DOP1A: variants seen among roughly 807,000 people sequenced by gnomAD.
DOP1A encodes the protein DOP1 leucine zipper like protein A.
Under a neutral mutation model 267.6 loss-of-function variants are expected in DOP1A, and 90 were observed. The ratio of observed to expected loss-of-function variants is 0.34; its 90% confidence interval spans 0.28 to 0.40. The LOEUF is 0.40. Among genes scored for constraint, DOP1A ranks in the 10% least tolerant of loss-of-function variants. The probability of loss-of-function intolerance (pLI) is 1.00; values close to 1 mark genes in which losing one functional copy is unlikely to be tolerated. For missense variants in DOP1A, 2,437 were observed against 2,900.4 expected (o/e 0.84, Z 3.67); for synonymous variants, 932 against 999.1 (o/e 0.93, Z 1.27).
intron 33 of DOP1A, 55 bp downstream of exon 33, chr6:83,154,296 C>G: frequency 6.6e-7 from 1 of 1,503,896 alleles, no homozygotes; most frequent in East Asian, 2.3e-5. Flanking sequence ...TTCCTTCTTA[C>G]TATTTACTTG....
intron 4 of DOP1A, among the ~76,000 whole-genome samples, chr6:83,107,799 A>G (rs1256192177): frequency 2.6e-5 from 4 of 152,202 alleles, no homozygotes; most frequent in East Asian, 3.9e-4. Context: ...AGAGCAGCAT[A>G]TGGAAAGGTA....
chr6:83,109,233 G>T (rs1489011191), intron 5 of DOP1A, among the ~76,000 whole-genome samples, 153 bp downstream of exon 5: 1 of 152,138 alleles, frequency 6.6e-6, no homozygotes, highest in Non-Finnish European at 1.5e-5. Flanking sequence ...CATTATTATA[G>T]TTTATCTAGT....
intron 1 of DOP1A, among the ~76,000 whole-genome samples, chr6:83,095,287 C>T (rs900308238): frequency 2.0e-5 from 3 of 152,016 alleles, no homozygotes; most frequent in African/African-American, 7.3e-5. Context: ...AAGATTTAAT[C>T]CTATATTTTT....
Position 83,145,678 on chromosome 6 carries a change from CA to C in DOP1A, c.5676+21del, listed in dbSNP as rs1272856319. 1 of 1,606,080 alleles carries C rather than the reference CA, an allele frequency of 6.2e-7. No individual in the cohort carries two copies. Among genetic ancestry groups the C allele is most frequent in the East Asian group, 2.2e-5 (1 of 44,652 alleles). ...GACAAGGTAAGAAAAAACTCTTCTTCACATGTGTTTACAATTCTGTTTCAGA... is the reference window on the plus strand; with the variant it reads ...GACAAGGTAAGAAAAAACTCTTCTTCCATGTGTTTACAATTCTGTTTCAGA... On this transcript the variant is annotated intron_variant, in intron 25 of 38. Transcript: ENST00000349129.
intron 26 of DOP1A, among the ~76,000 whole-genome samples, chr6:83,147,950 G>A (rs1248440244): frequency 1.3e-5 from 2 of 152,138 alleles, no homozygotes; most frequent in African/African-American, 4.8e-5. Flanking sequence ...TCCATAATAT[G>A]AGGTAGAGAC....
rs1408932673 is a variant in DOP1A, at chr6:83,168,117, A to G, written c.7348A>G (p.Ile2450Val). 1 of 1,613,894 alleles carries G rather than the reference A, an allele frequency of 6.2e-7. No homozygotes were observed. Among genetic ancestry groups the G allele is most frequent in the Non-Finnish European group, 8.5e-7 (1 of 1,180,002 alleles). ...ATGTTCCAGCAAAGCCAGGCAAAAA[A>G]TAGAAGAGATGGTAGAAAAAGATTT... ...KPCSSKARQKIEEMVEKDFLE... is the reference protein window; with the variant it reads ...KPCSSKARQKVEEMVEKDFLE... The change falls in exon 39 of 39, where the codon ATA becomes GTA. Residue 2450 changes from isoleucine (I) to valine (V), a missense_variant. Coordinates refer to ENST00000349129, the MANE Select transcript of DOP1A (RefSeq NM_015018.4).
intron 15 of DOP1A, 40 bp downstream of exon 15, chr6:83,125,773 T>C (rs1218305202): frequency 6.6e-7 from 1 of 1,523,054 alleles, no homozygotes; most frequent in Admixed American, 1.8e-5. Context: ...ACTGTTCATA[T>C]TTCTTCAAAG....
chr6:83,105,897 T>C (rs905402461), intron 4 of DOP1A, among the ~76,000 whole-genome samples: 4 of 152,218 alleles, frequency 2.6e-5, no homozygotes, highest in African/African-American at 9.6e-5. Flanking sequence ...TCTTCAGTTG[T>C]AGTATACCTA....
At chr6:83,069,266 C>T (rs1166626313) in intron 1 of DOP1A, among the ~76,000 whole-genome samples, 1 of 152,174 alleles carries the variant, frequency 6.6e-6, no homozygotes. Context: ...AATAGGCTTA[C>T]TTTCCCCAAA....
chr6:83,137,390 C>T lies in DOP1A; in HGVS notation c.3348C>T (p.Ser1116=). 6.2e-7 allele frequency: 1 copy of T among 1,613,808 alleles called. No individual in the cohort carries two copies. Among genetic ancestry groups the T allele is most frequent in the South Asian group, 1.1e-5 (1 of 91,064 alleles). ...LQSSDSGCSQ[S]SAGDNLSYEV... is the part of the protein sequence containing the mutation. ...GTTCTGACTCGGGATGTTCACAGTCCTCTGCTGGGGACAACTTGAGTTACG... is the reference window on the plus strand; with the variant it reads ...GTTCTGACTCGGGATGTTCACAGTCTTCTGCTGGGGACAACTTGAGTTACG... The change falls in exon 21 of 39, where the codon TCC becomes TCT. Residue 1116 remains serine, a synonymous_variant. Transcript: ENST00000349129.
intron 1 of DOP1A, among the ~76,000 whole-genome samples, chr6:83,082,844 G>C (rs1768373994): frequency 2.1e-5 from 3 of 142,862 alleles, no homozygotes; most frequent in Non-Finnish European, 4.5e-5. Context: ...GTTTTGCTCT[G>C]TCACCCAGGC....
intron 27 of DOP1A, 31 bp from the exon 28 acceptor site, chr6:83,151,562 C>T (rs1781688407): frequency 6.4e-7 from 1 of 1,559,670 alleles, no homozygotes; most frequent in Non-Finnish European, 8.7e-7. Context: ...CCTGATATTT[C>T]CCGTTTCTGT....
chr6:83,116,800 G>C (rs1250759634), intron 7 of DOP1A, among the ~76,000 whole-genome samples: 1 of 152,094 alleles, frequency 6.6e-6, no homozygotes, highest in Non-Finnish European at 1.5e-5. Flanking sequence ...GACAGAGTGA[G>C]ACTCCAACTT....
chr6:83,157,057 A>G (rs1002872475), intron 34 of DOP1A, 125 bp from the exon 35 acceptor site: 2 of 832,906 alleles, frequency 2.4e-6, no homozygotes, highest in Non-Finnish European at 3.6e-6. Flanking sequence ...TATCTACAAC[A>G]GTTTTGAATT....
chr6:83,090,854 C>T (rs976638309), intron 1 of DOP1A, among the ~76,000 whole-genome samples: 1 of 152,048 alleles, frequency 6.6e-6, no homozygotes, highest in Non-Finnish European at 1.5e-5. Context: ...CACTTCTTTT[C>T]TGATATATAA....
In DOP1A at chr6:83,114,140, C is replaced by T. The variant is rs142699678; in HGVS notation, c.780+719C>T. 6.2e-4 allele frequency among the ~76,000 whole-genome samples: 94 copies of T among 151,888 alleles called. No individual in the cohort carries two copies. The East Asian group carries it at 9.3e-3, about 15-fold the overall frequency. ...CATAAGAACTGTGATTAATAGATAACTGTAGTGAATTTGCATTATGACTGG... is the reference window on the plus strand; with the variant it reads ...CATAAGAACTGTGATTAATAGATAATTGTAGTGAATTTGCATTATGACTGG... On this transcript the variant is annotated intron_variant, in intron 7 of 38. Coordinates refer to ENST00000349129, the MANE Select transcript of DOP1A (RefSeq NM_015018.4).
downstream of DOP1A, chr6:83,169,364 G>A (rs774745003): frequency 6.8e-6 from 11 of 1,608,588 alleles, no homozygotes; most frequent in African/African-American, 1.3e-5. Flanking sequence ...GAAAGACATA[G>A]CATGTGTCTA....
chr6:83,166,711 TTAAAA>T lies in DOP1A; in HGVS notation c.7093-1147_7093-1143del, dbSNP rs752538419. The T allele has an allele frequency of 2.4e-5, 29 of 1,219,096 alleles. 1 individual carries two copies. Among genetic ancestry groups the T allele is most frequent in the Middle Eastern group, 6.5e-4 (2 of 3,058 alleles). 75.5% of individuals were successfully genotyped at this position (1,219,096 alleles called of 1,614,324 possible). On this transcript the variant is annotated intron_variant, in intron 38 of 38. Transcript: ENST00000349129. ...TATTTTCCTTTTTCAGGATTTTACT[TTAAAA>T]TAAGCAATAAGCTTGAGAGCACATA...
At chr6:83,114,260 T>A (rs1775043696) in intron 7 of DOP1A, among the ~76,000 whole-genome samples, 1 of 152,174 alleles carries the variant, frequency 6.6e-6, no homozygotes, top group African/African-American at 2.4e-5. Flanking sequence ...CTCTTCCTTG[T>A]CTATACTTTG....
Sources: gnomAD v4.1 joint callset for allele counts (sites outside exome capture counted in the v4.1 genomes callset) on GRCh38, gnomAD v4.1.1 for gene constraint, MANE v1.5 for transcripts, NCBI Gene and HGNC (gene_info 2026-07-23, HGNC 2026-07-21) for gene names.